Variants in ADAMTS16 observed in about 807,000 individuals in gnomAD.
ADAMTS16 encodes A disintegrin and metalloproteinase with thrombospondin motifs 16.
ADAMTS16 carries 94 observed loss-of-function variants against 145.8 expected under a neutral mutation model. The ratio of observed to expected loss-of-function variants is 0.64; its 90% CI spans 0.55 to 0.77. ADAMTS16 has a LOEUF of 0.77. Among genes scored for constraint, ADAMTS16 ranks in the 30% least tolerant of loss-of-function variants. The pLI is 0.00. For missense variants in ADAMTS16, 1,585 were observed against 1,591.5 expected (o/e 1.00, Z 0.07); for synonymous variants, 659 against 604.3 (o/e 1.09, Z -1.33).
intron 18 of ADAMTS16, among the ~76,000 whole-genome samples, chr5:5,287,714 A>G (rs532794258): frequency 6.6e-6 from 1 of 152,300 alleles, no homozygotes; most frequent in East Asian, 1.9e-4. Context: ...GATTTGTGTA[A>G]AATATGGATT....
chr5:5,243,540 A>G (rs541563266), intron 17 of ADAMTS16, among the ~76,000 whole-genome samples: 1 of 152,180 alleles, frequency 6.6e-6, no homozygotes, highest in South Asian at 2.1e-4. Context: ...GTTTTTATGG[A>G]TTATGTTGAA....
At chr5:5,275,755 C>T (rs1367059195) in intron 18 of ADAMTS16, among the ~76,000 whole-genome samples, 1 of 152,022 alleles carries the variant, frequency 6.6e-6, no homozygotes, top group African/African-American at 2.4e-5. Context: ...TTTGACTCGG[C>T]TTACATTTCT....
intron 9 of ADAMTS16, among the ~76,000 whole-genome samples, chr5:5,206,400 T>TGGGC (rs1445878986): frequency 1.2e-5 from 1 of 84,878 alleles, no homozygotes; most frequent in Non-Finnish European, 2.0e-5. Flanking sequence ...CACTCCAGCC[T>TGGGC]GGGCGACAGA....
chr5:5,236,325 C>A (rs1737106434), intron 13 of ADAMTS16, among the ~76,000 whole-genome samples: 1 of 149,136 alleles, frequency 6.7e-6, no homozygotes, highest in Non-Finnish European at 1.5e-5. Context: ...AAGAAGAGAA[C>A]AAAAGGGGCA....
chr5:5,306,408 A>G (rs989948457), intron 20 of ADAMTS16, 96 bp from the exon 21 acceptor site: 11 of 1,042,564 alleles, frequency 1.1e-5, no homozygotes, highest in African/African-American at 1.6e-5. Context: ...TCACACTTAT[A>G]TAAATGTTCA....
chr5:5,266,710 C>T (rs1239927504), intron 18 of ADAMTS16, among the ~76,000 whole-genome samples: 1 of 152,196 alleles, frequency 6.6e-6, no homozygotes, highest in East Asian at 1.9e-4. Context: ...CCTCCTGGGG[C>T]TACTCTTCCT....
intron 7 of ADAMTS16, among the ~76,000 whole-genome samples, chr5:5,191,412 T>A (rs1444550747): frequency 6.6e-6 from 1 of 152,018 alleles, no homozygotes; most frequent in Non-Finnish European, 1.5e-5. Flanking sequence ...CAGGCTCTAA[T>A]AGAGTCACGC....
intron 3 of ADAMTS16, among the ~76,000 whole-genome samples, chr5:5,164,091 T>A (rs1029274955): frequency 6.7e-6 from 1 of 149,360 alleles, no homozygotes; most frequent in Non-Finnish European, 1.5e-5. Flanking sequence ...GAGTTCTGAG[T>A]ATCATGGGTA....
rs776193176 is a variant in ADAMTS16, at chr5:5,303,406, C to T, written c.2928C>T (p.Ser976=). The T allele has an allele frequency of 6.2e-7, 1 of 1,607,426 alleles. No homozygotes were observed. Among genetic ancestry groups the T allele is most frequent in the Non-Finnish European group, 8.5e-7 (1 of 1,177,310 alleles). The change falls in exon 19 of 23, where the codon TCC becomes TCT. Residue 976 remains serine, a synonymous_variant. Coordinates refer to ENST00000274181, the MANE Select transcript of ADAMTS16 (RefSeq NM_139056.4). ...PASLCPQPAP[S]SRQACNSQSC... ...GCCTGTGCCCTCAGCCTGCTCCCTCCAGCAGGCAGGCCTGCAACTCTCAGA... is the reference window on the plus strand; with the variant it reads ...GCCTGTGCCCTCAGCCTGCTCCCTCTAGCAGGCAGGCCTGCAACTCTCAGA...
Position 5,190,345 on chromosome 5 carries a change from C to T in ADAMTS16, c.1207+215C>T, listed in dbSNP as rs56029781. 8.1e-3 allele frequency among the ~76,000 whole-genome samples: 1,240 copies of T among 152,266 alleles called. 7 individuals carry two copies. The highest frequency in any genetic ancestry group is 0.012 in the Non-Finnish European group (829 of 68,024). The stretch of plus-strand genomic sequence containing the variant: ...GATTATTGAACAAGTAAATGTCTTA[C>T]AGATTCCAGAGTTCCTATCTCTTCT... On this transcript the variant is annotated intron_variant, in intron 7 of 22. Coordinates refer to ENST00000274181, the MANE Select transcript of ADAMTS16 (RefSeq NM_139056.4).
rs371271007 is a variant in ADAMTS16 at position 5,292,419 on chromosome 5, C to A, written c.2790-10849C>A. Among the ~76,000 whole-genome samples the A allele has an allele frequency of 1.2e-4, 18 of 152,120 alleles. No homozygotes were observed. The East Asian group carries it at 1.7e-3, about 15-fold the overall frequency. Reference sequence around the variant, plus strand: ...GGCTGAGGCAGGAGAATGGCTTGAACCCTGGGAGGCAGAGGTTGCAGTGAA... The same window carrying A: ...GGCTGAGGCAGGAGAATGGCTTGAAACCTGGGAGGCAGAGGTTGCAGTGAA... On this transcript the variant is annotated intron_variant, in intron 18 of 22. Coordinates refer to ENST00000274181, the MANE Select transcript of ADAMTS16 (RefSeq NM_139056.4).
At chr5:5,140,865 T>A in intron 2 of ADAMTS16, 99 bp downstream of exon 2, 1 of 1,173,302 alleles carries the variant, frequency 8.5e-7, no homozygotes, top group Non-Finnish European at 1.1e-6. Flanking sequence ...CACGACTCTG[T>A]GGAACCCTAC....
At chr5:5,301,656 T>G (rs761227577) in intron 18 of ADAMTS16, among the ~76,000 whole-genome samples, 8 of 152,164 alleles carry the variant, frequency 5.3e-5, no homozygotes, top group Non-Finnish European at 1.0e-4. Flanking sequence ...GGCTTCTGCT[T>G]TGACACCTAA....
chr5:5,314,639 C>T (rs756765749), intron 21 of ADAMTS16, among the ~76,000 whole-genome samples: 16 of 152,208 alleles, frequency 1.1e-4, no homozygotes, highest in Non-Finnish European at 1.5e-5. Context: ...TTTCTTTCAT[C>T]TTACATAAAG....
intron 3 of ADAMTS16, among the ~76,000 whole-genome samples, chr5:5,160,757 C>CAAA (rs35314305): frequency 0.12 from 16,667 of 143,036 alleles, 1,144 homozygotes; most frequent in South Asian, 0.16. Flanking sequence ...AAAAATATAC[C>CAAA]AAAAAAAAAA....
At chr5:5,206,672 G>A (rs993658798) in intron 9 of ADAMTS16, among the ~76,000 whole-genome samples, 6 of 151,728 alleles carry the variant, frequency 4.0e-5, no homozygotes, top group African/African-American at 1.5e-4. Context: ...AGTAGAGACA[G>A]GAATTCATCA....
At chr5:5,305,933 C>G (rs1334576611) in intron 20 of ADAMTS16, among the ~76,000 whole-genome samples, 1 of 152,228 alleles carries the variant, frequency 6.6e-6, no homozygotes, top group African/African-American at 2.4e-5. Context: ...CTCGTTTGCA[C>G]AGGGCACCTC....
At chr5:5,315,571 T>G (rs1307534697) in intron 21 of ADAMTS16, among the ~76,000 whole-genome samples, 1 of 152,184 alleles carries the variant, frequency 6.6e-6, no homozygotes, top group African/African-American at 2.4e-5. Context: ...CGAAAGATGT[T>G]GTGGACACTG....
intron 10 of ADAMTS16, among the ~76,000 whole-genome samples, chr5:5,214,574 T>C (rs1736370950): frequency 6.6e-6 from 1 of 152,120 alleles, no homozygotes; most frequent in South Asian, 2.1e-4. Flanking sequence ...GGCTAATTTT[T>C]TGTATTTTTT....
Sources: gnomAD v4.1 joint callset for allele counts (sites outside exome capture counted in the v4.1 genomes callset) on GRCh38, gnomAD v4.1.1 for gene constraint, MANE v1.5 for transcripts, NCBI Gene and HGNC (gene_info 2026-07-23, HGNC 2026-07-21) for gene names.